PDE10A: variants seen among roughly 807,000 people sequenced by gnomAD.
PDE10A encodes the protein phosphodiesterase 10A, also known as cAMP and cAMP-inhibited cGMP 3',5'-cyclic phosphodiesterase 10A.
Under a neutral mutation model 97.7 loss-of-function variants are expected in PDE10A, and 39 were observed. That is an observed-to-expected ratio of 0.40 (90% confidence interval 0.31 to 0.52). The LOEUF (loss-of-function observed/expected upper bound fraction) is 0.52, where lower values mean the gene tolerates loss of function less well. Ranked by LOEUF, PDE10A falls within the 20% of genes least tolerant of loss-of-function variation. PDE10A has a pLI of 0.56. For synonymous variants in PDE10A, 371 were observed against 376.8 expected (o/e 0.98, Z 0.18); for missense variants, 731 against 1,047.8 (o/e 0.70, Z 4.17).
At position 165,592,287 on chromosome 6, in the gene PDE10A, T is replaced by C. The variant is rs112854306; in HGVS notation, c.866-48719A>G. 8.7e-3 allele frequency among the ~76,000 whole-genome samples: 1,328 copies of C among 152,212 alleles called. 10 individuals are homozygous for C. Among genetic ancestry groups the C allele is most frequent in the Non-Finnish European group, 0.013 (903 of 68,018 alleles). ...AAACTGAGACTTTCCTTATACTTTA[T>C]ACAAAAATTAACTCAAGATGGATTA... On this transcript the variant is annotated intron_variant, in intron 1 of 21. Coordinates refer to ENST00000539869, the MANE Select transcript of PDE10A (RefSeq NM_001385079.1).
chr6:165,831,707 G>A (rs982748203), intron 1 of PDE10A, among the ~76,000 whole-genome samples: 1 of 151,856 alleles, frequency 6.6e-6, no homozygotes, highest in East Asian at 2.0e-4. Context: ...GGATGGTCTC[G>A]ATCTCCTGAC....
intron 13 of PDE10A, among the ~76,000 whole-genome samples, chr6:165,405,879 GA>G (rs1787100567): frequency 6.6e-6 from 1 of 152,112 alleles, no homozygotes; most frequent in African/African-American, 2.4e-5. Context: ...AATAAAACTG[GA>G]AAATTGTCCT....
At chr6:165,352,873 T>C (rs939737696) in intron 18 of PDE10A, among the ~76,000 whole-genome samples, 6 of 152,088 alleles carry the variant, frequency 3.9e-5, no homozygotes, top group African/African-American at 1.4e-4. Flanking sequence ...ATGTATGCCC[T>C]GCAAAAGATA....
chr6:165,570,257 A>G (rs1784987282), intron 1 of PDE10A, among the ~76,000 whole-genome samples: 1 of 152,192 alleles, frequency 6.6e-6, no homozygotes, highest in African/African-American at 2.4e-5. Context: ...TAATAACTGG[A>G]CAAATATTGT....
At chr6:165,428,965 A>G (rs1789361112) in intron 9 of PDE10A, among the ~76,000 whole-genome samples, 1 of 152,076 alleles carries the variant, frequency 6.6e-6, no homozygotes, top group Non-Finnish European at 1.5e-5. Context: ...TATTTTATTG[A>G]TAAGTATCAG....
chr6:165,489,946 C>T (rs370202635), intron 2 of PDE10A, among the ~76,000 whole-genome samples: 10 of 152,078 alleles, frequency 6.6e-5, no homozygotes, highest in African/African-American at 1.4e-4. Context: ...TTTAAAATTA[C>T]GTTAAACAAC....
At chr6:165,849,779 TAC>T (rs1454006143) in intron 1 of PDE10A, among the ~76,000 whole-genome samples, 3 of 151,926 alleles carry the variant, frequency 2.0e-5, no homozygotes, top group African/African-American at 7.3e-5. Context: ...TCTGAATGAC[TAC>T]AGTTTGTCAG....
chr6:165,417,415 A>C (rs1032255652), intron 11 of PDE10A, among the ~76,000 whole-genome samples: 1 of 152,210 alleles, frequency 6.6e-6, no homozygotes, highest in African/African-American at 2.4e-5. Context: ...CATAATTAAG[A>C]AGCCGCCCTT....
At chr6:165,412,343 A>T (rs796297254) in intron 13 of PDE10A, among the ~76,000 whole-genome samples, 2 of 152,294 alleles carry the variant, frequency 1.3e-5, no homozygotes, top group African/African-American at 4.8e-5. Context: ...AGCTTCTATG[A>T]TACTTAAATT....
chr6:165,694,556 G>A (rs1038532917), intron 1 of PDE10A, among the ~76,000 whole-genome samples: 5 of 151,862 alleles, frequency 3.3e-5, no homozygotes, highest in African/African-American at 2.4e-5. Context: ...AGCAGCGGGC[G>A]GTGTCGGGAG....
At chr6:165,698,739 A>G (rs1791499807) in intron 1 of PDE10A, among the ~76,000 whole-genome samples, 1 of 152,076 alleles carries the variant, frequency 6.6e-6, no homozygotes, top group Non-Finnish European at 1.5e-5. Flanking sequence ...AGTCCCAGCT[A>G]CTCAAGAGGC....
At chr6:165,816,018 C>A (rs531640110) in intron 1 of PDE10A, among the ~76,000 whole-genome samples, 2 of 151,864 alleles carry the variant, frequency 1.3e-5, no homozygotes, top group East Asian at 3.9e-4. Context: ...GGCGTGATCT[C>A]AACTCACTGC....
At chr6:165,799,635 C>A (rs535320087) in intron 1 of PDE10A, among the ~76,000 whole-genome samples, 1 of 152,270 alleles carries the variant, frequency 6.6e-6, no homozygotes, top group Non-Finnish European at 1.5e-5. Flanking sequence ...CAGTATCACA[C>A]CAGATTTTCA....
chr6:165,610,124 G>A (rs1172585322), intron 1 of PDE10A, among the ~76,000 whole-genome samples: 1 of 152,186 alleles, frequency 6.6e-6, no homozygotes, highest in African/African-American at 2.4e-5. Flanking sequence ...CAAGGCTACA[G>A]TAACCAAAAC....
chr6:165,785,773 T>C (rs1778475966), intron 1 of PDE10A, among the ~76,000 whole-genome samples: 1 of 152,212 alleles, frequency 6.6e-6, no homozygotes. Context: ...CAAATGGAGC[T>C]GCATGTTAGC....
intron 3 of PDE10A, among the ~76,000 whole-genome samples, chr6:165,458,334 G>A (rs925817666): frequency 6.6e-6 from 1 of 152,122 alleles, no homozygotes. Context: ...GGGAGCTTCA[G>A]GGGAGTGATT....
chr6:165,333,582 ACTTGTTCTTATT>A (rs1781468486), intron 21 of PDE10A, among the ~76,000 whole-genome samples: 1 of 152,122 alleles, frequency 6.6e-6, no homozygotes, highest in Non-Finnish European at 1.5e-5. Flanking sequence ...ATCATCTTAC[ACTTGTTCTTATT>A]CTGAACAGTG....
intron 1 of PDE10A, among the ~76,000 whole-genome samples, chr6:165,749,458 C>T (rs1172741514): frequency 3.0e-5 from 1 of 33,358 alleles, no homozygotes; most frequent in African/African-American, 1.1e-4. Context: ...ATCACATCAC[C>T]ATCATCAACA....
At chr6:165,466,187 T>C (rs1192535876) in intron 3 of PDE10A, among the ~76,000 whole-genome samples, 1 of 152,256 alleles carries the variant, frequency 6.6e-6, no homozygotes, top group Non-Finnish European at 1.5e-5. Flanking sequence ...AAGGGCTTTT[T>C]ATAAATTAAT....
Sources: gnomAD v4.1 joint callset for allele counts (sites outside exome capture counted in the v4.1 genomes callset) on GRCh38, gnomAD v4.1.1 for gene constraint, MANE v1.5 for transcripts, NCBI Gene and HGNC (gene_info 2026-07-23, HGNC 2026-07-21) for gene names.